The following AKAP19 variants were observed in gnomAD, a reference collection of about 807,000 sequenced individuals.
AKAP19 encodes A-kinase anchoring protein 19, also known as small A-kinase anchoring protein.
chr2:190,166,475 C>T, the AKAP19 span, among the ~76,000 whole-genome samples: 7 of 151,720 alleles, frequency 4.6e-5, no homozygotes, highest in Admixed American at 4.6e-4. Flanking sequence ...TACAGGAGAA[C>T]TGTTTAAAAA....
chr2:189,981,625 T>C, the AKAP19 span, among the ~76,000 whole-genome samples: 59 of 152,252 alleles, frequency 3.9e-4, no homozygotes, highest in Non-Finnish European at 7.6e-4. Context: ...TGTGTGCTTT[T>C]ATGGTAGCAC....
the AKAP19 span, among the ~76,000 whole-genome samples, chr2:190,022,059 T>C: frequency 6.6e-6 from 1 of 151,980 alleles, no homozygotes; most frequent in African/African-American, 2.4e-5. Flanking sequence ...AAGCCATCAG[T>C]CCCATTCTCA....
At chr2:189,997,265 GAAGGGGAATAT>G in the AKAP19 span, among the ~76,000 whole-genome samples, 2 of 152,224 alleles carry the variant, frequency 1.3e-5, no homozygotes, top group African/African-American at 2.4e-5. Flanking sequence ...TGCAATATTA[GAAGGGGAATAT>G]AAGCTTGCCC....
chr2:189,953,584 A>G, the AKAP19 span, among the ~76,000 whole-genome samples: 1 of 147,856 alleles, frequency 6.8e-6, no homozygotes, highest in African/African-American at 2.5e-5. Flanking sequence ...CAGTGAGCCC[A>G]GATTGCACCA....
chr2:190,171,484 G>GT, the AKAP19 span, among the ~76,000 whole-genome samples: 3 of 151,490 alleles, frequency 2.0e-5, no homozygotes, highest in South Asian at 6.2e-4. Flanking sequence ...GCATTGTAAA[G>GT]TTTTTTTTGT....
chr2:189,883,984 T>C, the AKAP19 span, among the ~76,000 whole-genome samples: 2 of 152,184 alleles, frequency 1.3e-5, no homozygotes, highest in African/African-American at 4.8e-5. Flanking sequence ...AATATTCAGA[T>C]AGAATTTTCT....
chr2:190,010,613 A>G, the AKAP19 span, among the ~76,000 whole-genome samples: 1 of 152,212 alleles, frequency 6.6e-6, no homozygotes, highest in Non-Finnish European at 1.5e-5. Flanking sequence ...TTAGTCATAA[A>G]TTCAAAGTCA....
At chr2:190,190,261 T>TG in the AKAP19 span, among the ~76,000 whole-genome samples, 3 of 152,234 alleles carry the variant, frequency 2.0e-5, no homozygotes, top group Non-Finnish European at 4.4e-5. Flanking sequence ...ATCACTACTA[T>TG]GATTTCTATT....
chr2:189,963,535 T>C, the AKAP19 span, among the ~76,000 whole-genome samples: 1 of 152,190 alleles, frequency 6.6e-6, no homozygotes, highest in East Asian at 1.9e-4. Flanking sequence ...TCTCTTGCTG[T>C]TTCCACCATA....
chr2:190,033,164 T>C, the AKAP19 span, among the ~76,000 whole-genome samples: 1 of 152,214 alleles, frequency 6.6e-6, no homozygotes, highest in African/African-American at 2.4e-5. Context: ...AGCAAGACTT[T>C]AGCCAGGTGG....
At chr2:189,894,965 C>T in the AKAP19 span, among the ~76,000 whole-genome samples, 1 of 151,008 alleles carries the variant, frequency 6.6e-6, no homozygotes, top group African/African-American at 2.4e-5. Context: ...GAGTATTAAA[C>T]ATTAATATTA....
chr2:189,894,128 C>A, the AKAP19 span, among the ~76,000 whole-genome samples: 2 of 152,034 alleles, frequency 1.3e-5, no homozygotes, highest in Non-Finnish European at 2.9e-5. Flanking sequence ...AGGTAATAGA[C>A]CAAGAATCTC....
At chr2:189,981,962 C>A in the AKAP19 span, among the ~76,000 whole-genome samples, 1 of 152,112 alleles carries the variant, frequency 6.6e-6, no homozygotes, top group Non-Finnish European at 1.5e-5. Flanking sequence ...ACCTTGGATA[C>A]TCTGATAACT....
At chr2:190,185,611 C>A in the AKAP19 span, among the ~76,000 whole-genome samples, 1 of 152,156 alleles carries the variant, frequency 6.6e-6, no homozygotes. Context: ...CAGAGTGAAG[C>A]CCAGAAGGGC....
At chr2:190,125,900 T>A in the AKAP19 span, among the ~76,000 whole-genome samples, 1 of 152,106 alleles carries the variant, frequency 6.6e-6, no homozygotes, top group Non-Finnish European at 1.5e-5. Context: ...TAAAAATGCA[T>A]GGCATGAGAT....
At chr2:190,053,329 T>G in the AKAP19 span, among the ~76,000 whole-genome samples, 1 of 152,194 alleles carries the variant, frequency 6.6e-6, no homozygotes, top group Non-Finnish European at 1.5e-5. Context: ...TATTGAAGTA[T>G]TTTGATGTGT....
the AKAP19 span, among the ~76,000 whole-genome samples, chr2:189,903,819 G>T: frequency 2.0e-4 from 31 of 151,984 alleles, no homozygotes; most frequent in African/African-American, 6.8e-4. Context: ...GTAGTCCACA[G>T]TGTCTACTGT....
the AKAP19 span, among the ~76,000 whole-genome samples, chr2:189,914,736 C>A: frequency 7.9e-5 from 12 of 151,134 alleles, no homozygotes; most frequent in African/African-American, 2.7e-4. Flanking sequence ...TAATATCTAA[C>A]ATTTATTGTA....
At chr2:190,097,207 C>G in the AKAP19 span, among the ~76,000 whole-genome samples, 9 of 152,144 alleles carry the variant, frequency 5.9e-5, no homozygotes, top group African/African-American at 2.2e-4. Context: ...GTTATTCTTC[C>G]TGAGGCTCTC....
Sources: gnomAD v4.1 joint callset for allele counts (sites outside exome capture counted in the v4.1 genomes callset) on GRCh38, gnomAD v4.1.1 for gene constraint, MANE v1.5 for transcripts, NCBI Gene and HGNC (gene_info 2026-07-23, HGNC 2026-07-21) for gene names.